Variants in GALNT13 observed in about 807,000 individuals in gnomAD.
The protein encoded by GALNT13 is UDP-GalNAc:polypeptide N-acetylgalactosaminyltransferase 13.
Under a neutral mutation model 64.2 loss-of-function variants are expected in GALNT13, and 28 were observed. That is an observed-to-expected ratio of 0.44 (90% CI 0.32 to 0.60). The LOEUF is 0.60. Among genes scored for constraint, GALNT13 ranks in the 20% least tolerant of loss-of-function variants. The probability of loss-of-function intolerance (pLI) is 0.05; values close to 1 mark genes in which losing one functional copy is unlikely to be tolerated. For missense variants in GALNT13, 577 were observed against 669.8 expected (o/e 0.86, Z 1.53); for synonymous variants, 214 against 224.6 (o/e 0.95, Z 0.42).
At chr2:154,335,314 G>A (rs1695379227) in intron 9 of GALNT13, among the ~76,000 whole-genome samples, 1 of 151,992 alleles carries the variant, frequency 6.6e-6, no homozygotes, top group Admixed American at 6.6e-5. Context: ...TGACAAATGA[G>A]CAGAACTATC....
At chr2:153,258,686 A>C in the GALNT13 span, among the ~76,000 whole-genome samples, 1 of 152,066 alleles carries the variant, frequency 6.6e-6, no homozygotes, top group Non-Finnish European at 1.5e-5. Context: ...AAGACATTTT[A>C]AACATTTTCT....
At chr2:153,323,218 T>C in the GALNT13 span, among the ~76,000 whole-genome samples, 1 of 152,232 alleles carries the variant, frequency 6.6e-6, no homozygotes, top group African/African-American at 2.4e-5. Context: ...TATCTCATTG[T>C]GGTTTTGATT....
chr2:153,115,671 G>C, the GALNT13 span, among the ~76,000 whole-genome samples: 1 of 152,078 alleles, frequency 6.6e-6, no homozygotes, highest in African/African-American at 2.4e-5. Context: ...TTACTACCTA[G>C]CATTGGTCCT....
At chr2:153,807,846 T>C in the GALNT13 span, among the ~76,000 whole-genome samples, 2 of 152,144 alleles carry the variant, frequency 1.3e-5, no homozygotes, top group Non-Finnish European at 2.9e-5. Context: ...TTGTTTACTG[T>C]GAGTTCATAA....
intron 4 of GALNT13, among the ~76,000 whole-genome samples, chr2:154,150,908 G>GT (rs1417970347): frequency 1.3e-5 from 2 of 152,158 alleles, no homozygotes. Context: ...TTTTTGAAGG[G>GT]TTTTTTGTGT....
the GALNT13 span, among the ~76,000 whole-genome samples, chr2:153,479,314 A>G: frequency 1.3e-4 from 20 of 152,052 alleles, no homozygotes. Context: ...CAAAGCAATG[A>G]ATTTGGAAAG....
At chr2:153,529,413 G>A in the GALNT13 span, among the ~76,000 whole-genome samples, 4 of 133,562 alleles carry the variant, frequency 3.0e-5, no homozygotes, top group Admixed American at 2.6e-4. Context: ...GATCAAAGAC[G>A]TTATAAAAAG....
chr2:154,036,818 T>C (rs1296354099), intron 3 of GALNT13, among the ~76,000 whole-genome samples: 1 of 152,092 alleles, frequency 6.6e-6, no homozygotes, highest in African/African-American at 2.4e-5. Flanking sequence ...TGGAAACACT[T>C]GTGGAATTTT....
chr2:154,062,500 C>T (rs534662020), intron 3 of GALNT13, among the ~76,000 whole-genome samples: 2 of 152,240 alleles, frequency 1.3e-5, no homozygotes, highest in East Asian at 3.9e-4. Context: ...GGAAGCATGG[C>T]TGGGAGGCCT....
the GALNT13 span, among the ~76,000 whole-genome samples, chr2:153,233,055 C>T: frequency 2.6e-5 from 4 of 152,196 alleles, no homozygotes; most frequent in Admixed American, 1.3e-4. Flanking sequence ...GTGGCTCTCA[C>T]ACTACATCTG....
the GALNT13 span, among the ~76,000 whole-genome samples, chr2:153,651,298 A>G: frequency 6.6e-6 from 1 of 152,192 alleles, no homozygotes; most frequent in Non-Finnish European, 1.5e-5. Context: ...TGATTCCAGG[A>G]TGAGAAAATA....
At chr2:153,414,756 C>T in the GALNT13 span, among the ~76,000 whole-genome samples, 12 of 152,048 alleles carry the variant, frequency 7.9e-5, no homozygotes, top group African/African-American at 2.9e-4. Flanking sequence ...TCCACTTTAC[C>T]CTAGGAGTCC....
chr2:153,794,100 G>A, the GALNT13 span, among the ~76,000 whole-genome samples: 5 of 152,056 alleles, frequency 3.3e-5, no homozygotes, highest in Admixed American at 6.6e-5. Flanking sequence ...TAGTCTGGAA[G>A]CCAAGAAAAA....
the GALNT13 span, among the ~76,000 whole-genome samples, chr2:153,569,536 CTTTTTA>C: frequency 7.0e-6 from 1 of 142,854 alleles, no homozygotes; most frequent in African/African-American, 2.6e-5. Context: ...TAAAAAAAAT[CTTTTTA>C]TTTTTAATTA....
the GALNT13 span, chr2:153,421,385 C>T: frequency 4.4e-6 from 1 of 227,616 alleles, no homozygotes; most frequent in Admixed American, 4.2e-5. Flanking sequence ...TCATTGTCTA[C>T]TATGAAGGCA....
At chr2:153,568,913 T>C in the GALNT13 span, among the ~76,000 whole-genome samples, 28 of 152,328 alleles carry the variant, frequency 1.8e-4, no homozygotes, top group South Asian at 5.8e-3. Flanking sequence ...TTCCCAACAT[T>C]GTTTTAAAAT....
intron 3 of GALNT13, among the ~76,000 whole-genome samples, chr2:153,973,332 T>C (rs1009252004): frequency 2.0e-5 from 3 of 151,996 alleles, no homozygotes; most frequent in Non-Finnish European, 2.9e-5. Flanking sequence ...GTCAACATCA[T>C]CCTATCTGCT....
At chr2:154,171,971 TACAC>T (rs57343446) in intron 4 of GALNT13, among the ~76,000 whole-genome samples, 1,771 of 144,238 alleles carry the variant, frequency 0.012, 18 homozygotes, top group African/African-American at 0.023. Context: ...TTCTTTCTCA[TACAC>T]ACACACACAC....
the GALNT13 span, among the ~76,000 whole-genome samples, chr2:153,678,990 C>G: frequency 1.3e-5 from 2 of 151,962 alleles, no homozygotes; most frequent in Non-Finnish European, 2.9e-5. Flanking sequence ...TCTCTCCTTC[C>G]TCAGCTTCTC....
Sources: gnomAD v4.1 joint callset for allele counts (sites outside exome capture counted in the v4.1 genomes callset) on GRCh38, gnomAD v4.1.1 for gene constraint, MANE v1.5 for transcripts, NCBI Gene and HGNC (gene_info 2026-07-23, HGNC 2026-07-21) for gene names.